Variants in HCN2 observed in about 807,000 individuals in gnomAD.
The protein encoded by HCN2 is hyperpolarization activated cyclic nucleotide gated potassium and sodium channel 2.
HCN2 carries 20 observed loss-of-function variants against 52.3 expected under a neutral mutation model. The observed-to-expected ratio is 0.38, with a 90% CI of 0.27 to 0.56. The LOEUF (loss-of-function observed/expected upper bound fraction) is 0.56, where lower values mean the gene tolerates loss of function less well. Among genes scored for constraint, HCN2 ranks in the 20% least tolerant of loss-of-function variants. HCN2 has a pLI of 0.71. For missense variants in HCN2, 981 were observed against 1,207.7 expected, an observed-to-expected ratio of 0.81 and a Z score of 2.78; for synonymous variants, 694 against 537.0, an observed-to-expected ratio of 1.29 and a Z score of -4.04.
intron 2 of HCN2, among the ~76,000 whole-genome samples, chr19:604,856 G>A (rs1389891440): frequency 2.7e-5 from 1 of 37,326 alleles, no homozygotes; most frequent in Non-Finnish European, 4.8e-5. Context: ...CTGTAGAGGT[G>A]GGCGGGGTCC....
intron 5 of HCN2, among the ~76,000 whole-genome samples, chr19:612,341 T>C (rs1983671676): frequency 6.6e-6 from 1 of 152,070 alleles, no homozygotes; most frequent in African/African-American, 2.4e-5. Context: ...TTGGTTTTCA[T>C]GTTGATTTTT....
At position 613,498 on chromosome 19, in the gene HCN2, AGGG is replaced by A; in HGVS notation, c.1825+14_1825+16del. The A allele has an allele frequency of 1.9e-6, 2 of 1,057,534 alleles. No homozygotes were observed. Among genetic ancestry groups the A allele is most frequent in the Non-Finnish European group, 2.5e-6 (2 of 813,790 alleles). The allele number at this position is 1,057,534 out of a possible 1,614,324, so 65.5% of individuals were successfully genotyped here. On this transcript the variant is annotated intron_variant, in intron 6 of 7. Coordinates refer to ENST00000251287, the MANE Select transcript of HCN2 (RefSeq NM_001194.4). ...GGCTCCTACTTCGGGGGTGAGCTTG[AGGG>A]GGGCGCGCCTGGAGGGGGAGGGGGC... is the stretch of plus-strand genomic sequence containing the variant.
At chr19:613,212 G>A (rs934155127) in intron 5 of HCN2, 36 bp from the exon 6 acceptor site, 1 of 1,578,844 alleles carries the variant, frequency 6.3e-7, no homozygotes, top group South Asian at 1.1e-5. Flanking sequence ...CGGGAGTGGG[G>A]TCCGCAGCGG....
At chr19:610,479 C>T in intron 5 of HCN2, 74 bp downstream of exon 5, 2 of 1,403,138 alleles carry the variant, frequency 1.4e-6, no homozygotes, top group South Asian at 1.2e-5. Context: ...AGCCCAGGAG[C>T]CGGTCCCTGA....
chr19:607,044 T>C (rs138464895), intron 3 of HCN2, among the ~76,000 whole-genome samples: 13,598 of 147,546 alleles, frequency 0.092, 903 homozygotes, highest in Admixed American at 0.21. Context: ...TGGTGGCGCA[T>C]GCCTGTAATC....
At chr19:603,483 G>T in intron 1 of HCN2, 61 bp from the exon 2 acceptor site, 2 of 1,381,810 alleles carry the variant, frequency 1.4e-6, no homozygotes, top group Middle Eastern at 2.1e-4. Context: ...AGTGCCCGGG[G>T]CTGGTCCCGC....
chr19:615,069 T>G (rs150768642), intron 7 of HCN2, among the ~76,000 whole-genome samples: 1 of 152,098 alleles, frequency 6.6e-6, no homozygotes. Context: ...ATACAGCAGG[T>G]GCTCAGCACA....
At chr19:603,513 C>T (rs4919815) in intron 1 of HCN2, 31 bp from the exon 2 acceptor site, 490,809 of 1,565,940 alleles carry the variant, frequency 0.31, 78,380 homozygotes, top group East Asian at 0.38. Flanking sequence ...GGGGAGGCAC[C>T]GGCCTGAGGT....
At chr19:606,617 C>T (rs915067383) in intron 3 of HCN2, among the ~76,000 whole-genome samples, 1 of 151,784 alleles carries the variant, frequency 6.6e-6, no homozygotes, top group African/African-American at 2.4e-5. Flanking sequence ...CTTTGGGAGG[C>T]TGAGGCAGGC....
At chr19:611,553 A>G (rs983103649) in intron 5 of HCN2, among the ~76,000 whole-genome samples, 1 of 152,336 alleles carries the variant, frequency 6.6e-6, no homozygotes, top group South Asian at 2.1e-4. Flanking sequence ...CGTTGCTCCC[A>G]GGAGGCACAC....
At position 616,147 on chromosome 19, in the gene HCN2, G is replaced by A. The variant is rs1404416199; in HGVS notation, c.2343G>A (p.Pro781=). The change falls in exon 8 of 8, where the codon CCG becomes CCA. Residue 781 remains proline, a synonymous_variant. Coordinates refer to ENST00000251287, the MANE Select transcript of HCN2 (RefSeq NM_001194.4). ...GGCCCCCGCCCCCCGCCAGCCCCCC[G>A]GGCGCGCCCGCCAGCCCCCGGGCAC... ...SPGPPPPASP[P]GAPASPRAPR... is the part of the protein sequence containing the mutation. 6 of 424,440 alleles carry A rather than the reference G, an allele frequency of 1.4e-5. No homozygotes were observed. Among genetic ancestry groups the A allele is most frequent in the Middle Eastern group, 1.2e-3 (1 of 826 alleles). 26.3% of individuals were successfully genotyped at this position (424,440 alleles called of 1,614,324 possible).
Position 590,046 on chromosome 19 carries a change from AGCCGCC to A in HCN2, c.117_122del (p.Pro40_Pro41del), listed in dbSNP as rs1184713061. ...CCGCCGCCCGCGCCCCCCCAACAGC[AGCCGCC>A]GCCGCCGCCGCCGCCCGCGCCCCCC... On this transcript the variant is annotated inframe_deletion, in exon 1 of 8. Transcript: ENST00000251287. This position sits in a 1 kb window ranked among gnomAD's most constrained non-coding sequence, Gnocchi z 7.2. 24 of 562,466 alleles carry A rather than the reference AGCCGCC, an allele frequency of 4.3e-5. No individual in the cohort carries two copies. The highest frequency in any genetic ancestry group is 1.7e-4 in the African/African-American group (7 of 40,904). 34.8% of individuals were successfully genotyped at this position (562,466 alleles called of 1,614,324 possible).
At chr19:610,109 T>C (rs1455885258) in intron 4 of HCN2, 150 bp from the exon 5 acceptor site, 1 of 878,348 alleles carries the variant, frequency 1.1e-6, no homozygotes, top group East Asian at 2.6e-5. Flanking sequence ...GCCGGGGGGC[T>C]GTCTGACCCA....
intron 1 of HCN2, among the ~76,000 whole-genome samples, chr19:598,156 C>T (rs1041728145): frequency 3.9e-5 from 6 of 152,198 alleles, no homozygotes; most frequent in East Asian, 3.9e-4. Flanking sequence ...CTGGGGGTCT[C>T]GTTGCTGAGC....
At chr19:608,249 A>C in intron 4 of HCN2, 67 bp downstream of exon 4, 1 of 1,449,212 alleles carries the variant, frequency 6.9e-7, no homozygotes, top group Non-Finnish European at 9.6e-7. Context: ...GGGGTCTGAG[A>C]GAGAGTCAGG....
At chr19:596,184 A>G (rs1306468196) in intron 1 of HCN2, among the ~76,000 whole-genome samples, 1 of 152,192 alleles carries the variant, frequency 6.6e-6, no homozygotes, top group Non-Finnish European at 1.5e-5. Context: ...AAGAACCCTG[A>G]GCTCGGGGCA....
intron 7 of HCN2, 64 bp from the exon 8 acceptor site, chr19:615,731 G>A (rs1983872718): frequency 6.4e-7 from 1 of 1,554,882 alleles, no homozygotes; most frequent in Non-Finnish European, 8.8e-7. Context: ...CAGAGTAGGT[G>A]CTCGGTGCCC....
At position 613,254 on chromosome 19, in the gene HCN2, G is replaced by T. The variant is rs1165534917; in HGVS notation, c.1591G>T (p.Val531Phe). Reference sequence around the variant, plus strand: ...CCCTGCCTCCCCCCTGCAGGAGATCGTCAACTTCAACTGCCGGAAGCTGGT... The same window carrying T: ...CCCTGCCTCCCCCCTGCAGGAGATCTTCAACTTCAACTGCCGGAAGCTGGT... The part of the protein sequence containing the change: ...ELNGPLREEI[V>F]NFNCRKLVAS... Residue 531 changes from valine (V) to phenylalanine (F), a missense_variant, in exon 6 of 8, where the codon GTC (valine) becomes TTC (phenylalanine). Val to Phe is a conservative substitution (Grantham distance 50). Transcript: ENST00000251287. 6.2e-7 allele frequency: 1 copy of T among 1,611,280 alleles called. No individual in the cohort carries two copies. The highest frequency in any genetic ancestry group is 8.5e-7 in the Non-Finnish European group (1 of 1,179,280).
In HCN2 at chr19:608,008, C is replaced by T; in HGVS notation, c.1263C>T (p.Ala421=). The stretch of plus-strand genomic sequence containing the variant: ...TGTACTCCTTCGCACTCTTCAAGGC[C>T]ATGAGCCACATGCTGTGCATCGGGT... ...SELYSFALFK[A]MSHMLCIGYG... The change falls in exon 4 of 8, where the codon GCC becomes GCT. Residue 421 remains alanine (A), a synonymous_variant. Transcript: ENST00000251287. The T allele has an allele frequency of 1.9e-6, 3 of 1,612,996 alleles. No homozygotes were observed. Among genetic ancestry groups the T allele is most frequent in the African/African-American group, 1.3e-5 (1 of 75,064 alleles).
Sources: allele counts gnomAD v4.1 joint callset (sites outside exome capture counted in the v4.1 genomes callset), GRCh38; gene constraint gnomAD v4.1.1; non-coding constraint Gnocchi (gnomAD v3.1); transcripts MANE v1.5; gene names NCBI Gene and HGNC (gene_info 2026-07-23, HGNC 2026-07-21).